The following ZNF568 variants were observed in gnomAD, a reference collection of about 807,000 sequenced individuals.
ZNF568 encodes the protein zinc finger protein 568, also known as p53 inhibitor of SCO2 activation.
Under a neutral mutation model 18.1 loss-of-function variants are expected in ZNF568, and 11 were observed. The ratio of observed to expected loss-of-function variants is 0.61; its 90% CI spans 0.38 to 1.00. The LOEUF is 1.00. ZNF568 is among the 50% of genes least tolerant of loss of function. The probability of loss-of-function intolerance (pLI) is 0.01; values close to 1 mark genes in which losing one functional copy is unlikely to be tolerated. For missense variants in ZNF568, 639 were observed against 768.2 expected (o/e 0.83, Z 1.99); for synonymous variants, 213 against 246.6 (o/e 0.86, Z 1.28).
chr19:36,990,503 T>C (rs2074414154), intron 2 of ZNF568, among the ~76,000 whole-genome samples: 1 of 152,138 alleles, frequency 6.6e-6, no homozygotes, highest in Non-Finnish European at 1.5e-5. Flanking sequence ...TGGTCCCAGC[T>C]ACTCAGGAGG....
intron 3 of ZNF568, among the ~76,000 whole-genome samples, chr19:36,924,745 C>T (rs561400197): frequency 1.3e-5 from 2 of 150,674 alleles, no homozygotes; most frequent in South Asian, 4.2e-4. Context: ...GCAGGAGAAT[C>T]GCTTGAACCT....
At chr19:36,965,073 G>A (rs950612571) in intron 6 of ZNF568, among the ~76,000 whole-genome samples, 4 of 152,174 alleles carry the variant, frequency 2.6e-5, no homozygotes, top group Non-Finnish European at 5.9e-5. Flanking sequence ...GCATGTAAAT[G>A]TTATCCCACT....
intron 6 of ZNF568, among the ~76,000 whole-genome samples, chr19:36,967,957 A>G (rs1014000075): frequency 3.3e-5 from 5 of 152,250 alleles, no homozygotes; most frequent in Non-Finnish European, 7.3e-5. Context: ...ATGAAAATGC[A>G]TATCTCTTAA....
chr19:36,965,682 C>A (rs28542490), intron 6 of ZNF568, among the ~76,000 whole-genome samples: 26,545 of 150,730 alleles, frequency 0.18, 2,361 homozygotes, highest in Middle Eastern at 0.21. Flanking sequence ...GGCATCCCCC[C>A]AGTTTTGTGT....
downstream of ZNF568, among the ~76,000 whole-genome samples, chr19:36,984,630 G>A (rs2074360430): frequency 6.6e-6 from 1 of 151,098 alleles, no homozygotes; most frequent in Admixed American, 6.6e-5. Flanking sequence ...CTCTCCATCT[G>A]GGATCACTTT....
chr19:36,954,572 CTT>C (rs11442560), downstream of ZNF568, among the ~76,000 whole-genome samples: 104 of 143,122 alleles, frequency 7.3e-4, no homozygotes, highest in African/African-American at 1.1e-3. Flanking sequence ...TATGTGTAAA[CTT>C]TTTTTTTTTT....
intron 6 of ZNF568, among the ~76,000 whole-genome samples, chr19:36,959,660 T>G (rs1444577285): frequency 6.6e-6 from 1 of 152,202 alleles, no homozygotes; most frequent in Admixed American, 6.5e-5. Context: ...TTGGGACACT[T>G]TTTATTACTG....
chr19:36,966,695 G>A (rs1030212123), intron 6 of ZNF568, among the ~76,000 whole-genome samples: 5 of 152,184 alleles, frequency 3.3e-5, no homozygotes, highest in Admixed American at 3.3e-4. Flanking sequence ...GGAAGAAGGG[G>A]TCTTTCTGGC....
At chr19:36,968,403 T>C (rs952525439) in intron 6 of ZNF568, among the ~76,000 whole-genome samples, 6 of 151,024 alleles carry the variant, frequency 4.0e-5, no homozygotes, top group African/African-American at 1.5e-4. Flanking sequence ...TGAAACCCCA[T>C]CTCTACTAAA....
intron 2 of ZNF568, chr19:36,991,121 T>C: frequency 6.7e-7 from 1 of 1,495,820 alleles, no homozygotes; most frequent in South Asian, 1.3e-5. Flanking sequence ...TTTTATGTTG[T>C]CTTAAAGATT....
chr19:36,962,561 A>T (rs2074163642), intron 6 of ZNF568, among the ~76,000 whole-genome samples: 1 of 151,858 alleles, frequency 6.6e-6, no homozygotes, highest in African/African-American at 2.4e-5. Flanking sequence ...GGCTATTCTC[A>T]AACTCCTGAC....
At chr19:36,933,490 T>C (rs2073723875) in intron 4 of ZNF568, among the ~76,000 whole-genome samples, 1 of 152,206 alleles carries the variant, frequency 6.6e-6, no homozygotes, top group Non-Finnish European at 1.5e-5. Context: ...TTTACGGAGA[T>C]GATCTTATGG....
intron 4 of ZNF568, among the ~76,000 whole-genome samples, chr19:36,936,357 T>C (rs911421684): frequency 4.6e-5 from 7 of 152,182 alleles, no homozygotes; most frequent in Admixed American, 1.3e-4. Context: ...TGTATTATGT[T>C]TATTATATTA....
At chr19:36,966,884 G>A (rs1054086743) in intron 6 of ZNF568, among the ~76,000 whole-genome samples, 1 of 152,224 alleles carries the variant, frequency 6.6e-6, no homozygotes. Flanking sequence ...CCCTTCTCAT[G>A]AGAGACCGTG....
intron 7 of ZNF568, among the ~76,000 whole-genome samples, chr19:36,975,465 A>C (rs2146336304): frequency 6.6e-6 from 1 of 151,608 alleles, no homozygotes; most frequent in Admixed American, 6.6e-5. Flanking sequence ...AGCTCACTGC[A>C]ACCTCCGCCT....
Position 36,994,271 on chromosome 19 carries a change from A to G in ZNF568, c.230-2046A>G, listed in dbSNP as rs576691272. Among the ~76,000 whole-genome samples the G allele has an allele frequency of 5.5e-4, 84 of 152,160 alleles. 4 individuals are homozygous for G. In the South Asian group the frequency reaches 0.016, roughly 29 times the overall value. On this transcript the variant is annotated intron_variant, in intron 4 of 4. Transcript: ENST00000433993. The stretch of plus-strand genomic sequence containing the variant: ...TCATTCCATTGTAGTTGCAAAACAT[A>G]TTTTGTGTGATTTCAATCCTCTTAC...
At chr19:36,931,948 T>A (rs912567736) in intron 4 of ZNF568, among the ~76,000 whole-genome samples, 1 of 152,254 alleles carries the variant, frequency 6.6e-6, no homozygotes, top group African/African-American at 2.4e-5. Context: ...TCTATGGATT[T>A]GCCTATTTTG....
downstream of ZNF568, chr19:36,997,781 A>G (rs992273987): frequency 1.3e-5 from 8 of 596,254 alleles, no homozygotes; most frequent in African/African-American, 1.1e-4. Flanking sequence ...TTTGGAAAAA[A>G]AAACTTATGA....
intron 6 of ZNF568, among the ~76,000 whole-genome samples, chr19:36,961,992 G>A (rs994406644): frequency 1.3e-5 from 2 of 149,882 alleles, no homozygotes; most frequent in African/African-American, 4.9e-5. Flanking sequence ...TTTTTATAGA[G>A]ATGGAGTTTC....
Sources: allele counts gnomAD v4.1 joint callset (sites outside exome capture counted in the v4.1 genomes callset), GRCh38; gene constraint gnomAD v4.1.1; transcripts MANE v1.5; gene names NCBI Gene and HGNC (gene_info 2026-07-23, HGNC 2026-07-21).